CRTC3: variants seen among roughly 807,000 people sequenced by gnomAD.
The protein encoded by CRTC3 is CREB-regulated transcription coactivator 3.
A neutral mutation model predicts 74.5 loss-of-function variants in CRTC3; 26 were observed. The observed-to-expected ratio is 0.35, with a 90% CI of 0.26 to 0.48. The LOEUF (loss-of-function observed/expected upper bound fraction) is 0.48. CRTC3 is among the 20% of genes least tolerant of loss of function. The probability of loss-of-function intolerance (pLI) is 0.99; values close to 1 mark genes in which losing one functional copy is unlikely to be tolerated. For synonymous variants in CRTC3, 377 were observed against 325.8 expected (o/e 1.16, Z -1.69); for missense variants, 760 against 787.3 (o/e 0.97, Z 0.41).
intron 2 of CRTC3, among the ~76,000 whole-genome samples, chr15:90,564,132 A>G (rs1212476008): frequency 6.6e-6 from 1 of 152,230 alleles, no homozygotes; most frequent in Admixed American, 6.5e-5. Flanking sequence ...TCACACAGCC[A>G]AAAATGGTAA....
At chr15:90,621,230 C>T (rs916050352) in intron 9 of CRTC3, among the ~76,000 whole-genome samples, 2 of 152,218 alleles carry the variant, frequency 1.3e-5, no homozygotes, top group Non-Finnish European at 1.5e-5. Context: ...CATCAGATAA[C>T]CTTCAGGCTC....
rs1293659555 is a variant in CRTC3, at chr15:90,638,629, C to G, written c.1450C>G (p.Gln484Glu). The change falls in exon 12 of 15, where the codon CAG becomes GAG. Residue 484 changes from glutamine to glutamate, a missense_variant. Around this residue, in one of 2 missense-constraint regions of CRTC3, gnomAD observed 652 missense variants for 635.2 expected, o/e 1.03. Transcript: ENST00000268184. ...CTCCTCACTGCCACAGTCAGACTTT[C>G]AGCTTCTCCCGGCCCAGGTGAGTTC... is the stretch of plus-strand genomic sequence containing the variant. Reference protein sequence around the residue: ...AASSLPQSDFQLLPAQGSSLT... With the variant: ...AASSLPQSDFELLPAQGSSLT... 2 of 1,613,520 alleles carry G rather than the reference C, an allele frequency of 1.2e-6. No individual in the cohort carries two copies. The highest frequency in any genetic ancestry group is 1.7e-6 in the Non-Finnish European group (2 of 1,180,010).
intron 13 of CRTC3, among the ~76,000 whole-genome samples, chr15:90,639,447 CTTTTT>C (rs144912546): frequency 6.4e-5 from 8 of 124,062 alleles, no homozygotes; most frequent in South Asian, 5.4e-4. Flanking sequence ...GGTTCCAGAA[CTTTTT>C]TTTTTTTTTT....
chr15:90,620,662 C>T (rs1291808584), intron 9 of CRTC3, among the ~76,000 whole-genome samples: 3 of 152,114 alleles, frequency 2.0e-5, no homozygotes, highest in Admixed American at 6.5e-5. Context: ...CCCAAGGAGG[C>T]TTCCTGGGGC....
At chr15:90,620,498 A>G (rs186726655) in intron 9 of CRTC3, among the ~76,000 whole-genome samples, 176 of 152,272 alleles carry the variant, frequency 1.2e-3, no homozygotes, top group African/African-American at 3.9e-3. Context: ...TCTAAGAGAG[A>G]ACGAGGAGAT....
In CRTC3 at chr15:90,625,905, C is replaced by T. The variant is rs1280541145; in HGVS notation, c.879C>T (p.Thr293=). 8 of 1,614,082 alleles carry T rather than the reference C, an allele frequency of 5.0e-6. No individual in the cohort carries two copies. In the South Asian group the frequency reaches 6.6e-5, roughly 13 times the overall value. ...STPLPASLDT[T]DHHFGSMSVG... is the part of the protein sequence containing the mutation. ...CCCTGCCAGCCTCCCTGGACACCAC[C>T]GACCACCACTTTGGCAGTATGAGTG... The change falls in exon 10 of 15, where the codon ACC becomes ACT. Residue 293 remains threonine, a synonymous_variant. Transcript: ENST00000268184.
chr15:90,585,792 C>T (rs930479861), intron 2 of CRTC3, among the ~76,000 whole-genome samples: 1 of 152,196 alleles, frequency 6.6e-6, no homozygotes, highest in Non-Finnish European at 1.5e-5. Flanking sequence ...CTTATTTTCA[C>T]CTACTGCAAG....
In CRTC3 at chr15:90,530,003, G is replaced by C. The variant is rs139499011; in HGVS notation, c.-69G>C. ...GCGGCGGCCCCGGCGGCCTGTGGAC[G>C]GACGGGTGGGCCGAGGTACAGGCCC... On this transcript the variant is annotated 5_prime_UTR_variant, in exon 1 of 15. Coordinates refer to ENST00000268184, the MANE Select transcript of CRTC3 (RefSeq NM_022769.5). The surrounding 1 kb of genome is among the most constrained non-coding windows in gnomAD (Gnocchi z 6.2). 7.6e-3 allele frequency: 9,296 copies of C among 1,223,570 alleles called. 496 individuals are homozygous for C. The African/African-American group carries it at 0.12, about 16-fold the overall frequency. 75.8% of individuals were successfully genotyped at this position (1,223,570 alleles called of 1,614,324 possible).
intron 2 of CRTC3, among the ~76,000 whole-genome samples, chr15:90,545,577 T>G (rs957327639): frequency 5.9e-5 from 8 of 135,200 alleles, no homozygotes; most frequent in Non-Finnish European, 9.3e-5. Flanking sequence ...TTTTTGTTTG[T>G]TTTTTTTTTT....
intron 2 of CRTC3, among the ~76,000 whole-genome samples, chr15:90,567,523 C>T (rs1967151752): frequency 6.6e-6 from 1 of 151,874 alleles, no homozygotes; most frequent in African/African-American, 2.4e-5. Context: ...CCTGTCTCCA[C>T]TAAAAATAGA....
At chr15:90,638,027 G>GT (rs1024915297) in intron 11 of CRTC3, 1 of 170,260 alleles carries the variant, frequency 5.9e-6, no homozygotes, top group Non-Finnish European at 1.3e-5. Flanking sequence ...GTTGTTTAGT[G>GT]TTTTTTATTA....
At chr15:90,547,822 T>C (rs1966847017) in intron 2 of CRTC3, among the ~76,000 whole-genome samples, 1 of 151,796 alleles carries the variant, frequency 6.6e-6, no homozygotes, top group South Asian at 2.1e-4. Flanking sequence ...CAGGCAGCTG[T>C]AGAGAGAGGG....
chr15:90,575,425 G>C (rs533469502), intron 2 of CRTC3, among the ~76,000 whole-genome samples: 1 of 152,236 alleles, frequency 6.6e-6, no homozygotes, highest in East Asian at 1.9e-4. Context: ...ATCTTCTTTT[G>C]TTTTTGCTAA....
Position 90,642,930 on chromosome 15 carries a change from A to C in CRTC3, c.*790A>C. The C allele has an allele frequency of 4.3e-6, 1 of 233,006 alleles. No homozygotes were observed. Among genetic ancestry groups the C allele is most frequent in the Non-Finnish European group, 8.5e-6 (1 of 118,050 alleles). The allele number at this position is 233,006 out of a possible 1,614,324, so 14.4% of individuals were successfully genotyped here. A position where few individuals can be genotyped will look rare whatever the true frequency, so the allele number is the denominator to read the frequency against. ...AAGACAGGGACTGCAGGTGTCTCAT[A>C]CTCAGTGGCCTCCAGACAAACTCCA... On this transcript the variant is annotated 3_prime_UTR_variant, in exon 15 of 15. Transcript: ENST00000268184.
At chr15:90,610,570 A>C (rs1968333079) in intron 6 of CRTC3, among the ~76,000 whole-genome samples, 1 of 152,244 alleles carries the variant, frequency 6.6e-6, no homozygotes, top group South Asian at 2.1e-4. Context: ...AGTTGGTATA[A>C]ATGACAGAAA....
chr15:90,570,294 G>A (rs1407617029), intron 2 of CRTC3, among the ~76,000 whole-genome samples: 2 of 152,138 alleles, frequency 1.3e-5, no homozygotes, highest in African/African-American at 4.8e-5. Flanking sequence ...GATTTCAGGT[G>A]GGTGTGAGGG....
At position 90,542,435 on chromosome 15, in the gene CRTC3, T is replaced by C. The variant is rs547190758; in HGVS notation, c.231+2298T>C. Among the ~76,000 whole-genome samples, 16 of 152,262 alleles carry C rather than the reference T, an allele frequency of 1.1e-4. 1 individual carries two copies. The East Asian group carries it at 3.1e-3, about 29-fold the overall frequency. ...CTCAGGTGATCCGCCCATCTCGTCC[T>C]CCCAAAGTGCTGGGATTACAGGCAT... On this transcript the variant is annotated intron_variant, in intron 2 of 14. Coordinates refer to ENST00000268184, the MANE Select transcript of CRTC3 (RefSeq NM_022769.5).
At chr15:90,573,912 T>C (rs1391960983) in intron 2 of CRTC3, among the ~76,000 whole-genome samples, 1 of 152,334 alleles carries the variant, frequency 6.6e-6, no homozygotes, top group South Asian at 2.1e-4. Flanking sequence ...TATGTATGTA[T>C]CAGCAAATGT....
intron 2 of CRTC3, among the ~76,000 whole-genome samples, chr15:90,549,994 A>G (rs557108530): frequency 6.3e-4 from 95 of 150,326 alleles, no homozygotes; most frequent in African/African-American, 2.1e-3. Flanking sequence ...GTGAGCCACC[A>G]CACCTGGCCC....
Sources: gnomAD v4.1 joint callset for allele counts (sites outside exome capture counted in the v4.1 genomes callset) on GRCh38, gnomAD v4.1.1 for gene constraint, gnomAD v4.1.1 regional missense constraint, Gnocchi (gnomAD v3.1) non-coding constraint, MANE v1.5 for transcripts, NCBI Gene and HGNC (gene_info 2026-07-23, HGNC 2026-07-21) for gene names.